MYOF: variants seen among roughly 807,000 people sequenced by gnomAD.
The protein encoded by MYOF is fer-1-like 3, myoferlin.
A neutral mutation model predicts 284.2 loss-of-function variants in MYOF; 244 were observed. That is an observed-to-expected ratio of 0.86 (90% CI 0.77 to 0.95). MYOF has a LOEUF of 0.95. Among genes scored for constraint, MYOF ranks in the 40% least tolerant of loss-of-function variants. The pLI, the probability that MYOF is intolerant of heterozygous loss-of-function variation, is 0.00. For synonymous variants in MYOF, 904 were observed against 919.7 expected (o/e 0.98, Z 0.31); for missense variants, 2,496 against 2,560.6 (o/e 0.97, Z 0.54).
At chr10:93,395,697 T>A (rs1463406819) in intron 16 of MYOF, among the ~76,000 whole-genome samples, 1 of 151,970 alleles carries the variant, frequency 6.6e-6, no homozygotes, top group African/African-American at 2.4e-5. Flanking sequence ...TTCATTGGCA[T>A]CTGACCTTAC....
chr10:93,400,139 C>T (rs543060725), intron 12 of MYOF, among the ~76,000 whole-genome samples: 4 of 152,208 alleles, frequency 2.6e-5, no homozygotes, highest in African/African-American at 9.6e-5. Context: ...GGCCTGCTTT[C>T]AATTGGGAGA....
At chr10:93,460,871 G>A (rs188790698) in intron 1 of MYOF, among the ~76,000 whole-genome samples, 5 of 152,174 alleles carry the variant, frequency 3.3e-5, no homozygotes, top group East Asian at 1.9e-4. Flanking sequence ...TGAGGCAGGC[G>A]GATCACCTGA....
In MYOF at chr10:93,404,054, A is replaced by G. The variant is rs748725636; in HGVS notation, c.812T>C (p.Leu271Pro). 1.2e-5 allele frequency: 20 copies of G among 1,614,044 alleles called. No individual in the cohort carries two copies. The highest frequency in any genetic ancestry group is 5.1e-6 in the Non-Finnish European group (6 of 1,180,028). Reference protein sequence around the residue: ...ISIRVYNSHSLRADCLMGEFK... With the variant: ...ISIRVYNSHSPRADCLMGEFK... ...TTCCCCCATCAGACAATCTGCCCGC[A>G]GAGAGTGAGAATTATAAACCTGGAA... Residue 271 changes from leucine to proline, a missense_variant, in exon 9 of 54, where the codon CTG (leucine) becomes CCG (proline). This residue lies in a region of MYOF where 2,436 missense variants were observed against 2,480.7 expected (regional missense o/e 0.98). Transcript: ENST00000359263.
intron 23 of MYOF, among the ~76,000 whole-genome samples, chr10:93,373,315 G>A (rs549096232): frequency 2.6e-4 from 40 of 152,292 alleles, no homozygotes; most frequent in Admixed American, 4.6e-4. Flanking sequence ...AAGCAGAGGC[G>A]CAGCTTCACC....
At chr10:93,380,451 AT>A (rs1846060897) in intron 20 of MYOF, among the ~76,000 whole-genome samples, 1 of 152,214 alleles carries the variant, frequency 6.6e-6, no homozygotes. Context: ...CCTTACTGTG[AT>A]TAAGAATTAT....
intron 22 of MYOF, among the ~76,000 whole-genome samples, chr10:93,377,096 C>T (rs1406030387): frequency 1.3e-5 from 2 of 152,060 alleles, no homozygotes; most frequent in South Asian, 2.1e-4. Flanking sequence ...GGGAGTGGGG[C>T]CTCAGCCTCC....
In MYOF at chr10:93,375,435, A is replaced by T. The variant is rs552816301; in HGVS notation, c.2109-480T>A. 6.6e-5 allele frequency among the ~76,000 whole-genome samples: 10 copies of T among 152,356 alleles called. No homozygotes were observed. In the South Asian group the frequency reaches 2.1e-3, roughly 32 times the overall value. On this transcript the variant is annotated intron_variant, in intron 22 of 53. Coordinates refer to ENST00000359263, the MANE Select transcript of MYOF (RefSeq NM_013451.4). ...TCTCGAAGGTCTGTGAAACTCTGGA[A>T]CTTATAAAGAAAACTGTGTCTATCT...
intron 41 of MYOF, 90 bp from the exon 42 acceptor site, chr10:93,334,003 G>GA: frequency 1.5e-6 from 2 of 1,325,104 alleles, no homozygotes; most frequent in Non-Finnish European, 2.1e-6. Context: ...AGGGGTGTGG[G>GA]ATTGAAGGAT....
At chr10:93,441,246 G>T (rs528838947) in intron 3 of MYOF, among the ~76,000 whole-genome samples, 51 of 152,152 alleles carry the variant, frequency 3.4e-4, no homozygotes, top group Non-Finnish European at 5.4e-4. Context: ...AGTAATAAAA[G>T]CTTAAAGACA....
At chr10:93,328,996 A>G in intron 44 of MYOF, 85 bp from the exon 45 acceptor site, 1 of 1,404,388 alleles carries the variant, frequency 7.1e-7, no homozygotes, top group Non-Finnish European at 9.7e-7. Flanking sequence ...ATGTACTCTT[A>G]GGTGCTCCCA....
chr10:93,408,127 G>C (rs1847703621), intron 7 of MYOF, among the ~76,000 whole-genome samples: 1 of 152,082 alleles, frequency 6.6e-6, no homozygotes, highest in African/African-American at 2.4e-5. Flanking sequence ...TCCCGTCTCA[G>C]CCTCTTGAGT....
chr10:93,451,984 T>C (rs1218072342), intron 3 of MYOF, 66 bp downstream of exon 3: 1 of 1,146,464 alleles, frequency 8.7e-7, no homozygotes, highest in Non-Finnish European at 1.3e-6. Flanking sequence ...ATGTGTCTCT[T>C]CAACAAAATA....
Position 93,465,600 on chromosome 10 carries a change from C to A in MYOF, c.89-8663G>T, listed in dbSNP as rs1440540404. Among the ~76,000 whole-genome samples the A allele has an allele frequency of 3.0e-5, 4 of 133,514 alleles. No individual in the cohort carries two copies. The South Asian group carries it at 1.0e-3, about 34-fold the overall frequency. The allele number at this position is 133,514 out of a possible 152,430, so 87.6% of individuals were successfully genotyped here. On this transcript the variant is annotated intron_variant, in intron 1 of 53. Transcript: ENST00000359263. ...CACAATCTCGGCTCACTGCAACCTC[C>A]ACCTCCTGGATTCAAGCCATTCACC... is the stretch of plus-strand genomic sequence containing the variant.
At chr10:93,351,951 G>A in intron 32 of MYOF, 105 bp from the exon 33 acceptor site, 7 of 1,079,166 alleles carry the variant, frequency 6.5e-6, no homozygotes, top group Non-Finnish European at 9.1e-6. Context: ...ATGACAGTGG[G>A]CTCTGACCAC....
intron 42 of MYOF, 21 bp downstream of exon 42, chr10:93,333,737 G>A (rs1843457043): frequency 6.2e-7 from 1 of 1,611,278 alleles, no homozygotes; most frequent in East Asian, 2.2e-5. Context: ...ACAGGAGAAG[G>A]CCCCACACCC....
In MYOF at chr10:93,402,221, T is replaced by G; in HGVS notation, c.990+11A>C. On this transcript the variant is annotated intron_variant, in intron 11 of 53. Transcript: ENST00000359263. ...TGAGAAGTGTAGAAAGTAGAGAATG[T>G]AGGGACTCACAGGAGGCTCATCTCC... is the stretch of plus-strand genomic sequence containing the variant. 6.2e-7 allele frequency: 1 copy of G among 1,606,298 alleles called. No individual in the cohort carries two copies.
At position 93,366,461 on chromosome 10, in the gene MYOF, TTGAG is replaced by T. The variant is rs564186618; in HGVS notation, c.2680_2683del (p.Leu894ArgfsTer18). 9.9e-5 allele frequency: 160 copies of T among 1,613,956 alleles called. No individual in the cohort carries two copies. In the African/African-American group the frequency reaches 1.9e-3, roughly 19 times the overall value. On this transcript the variant is annotated frameshift_variant, in exon 26 of 54. Coordinates refer to ENST00000359263, the MANE Select transcript of MYOF (RefSeq NM_013451.4). LOFTEE classifies it high-confidence loss of function. ...TTTTGGAGGCAGAAAAAATTCCCTCTTGAGTTTTATTTTTCCTGTGACATCAGAA... is the reference window on the plus strand; with the variant it reads ...TTTTGGAGGCAGAAAAAATTCCCTCTTTTTATTTTTCCTGTGACATCAGAA...
At chr10:93,426,038 G>A (rs560122231) in intron 5 of MYOF, 33 bp downstream of exon 5, 2 of 1,544,080 alleles carry the variant, frequency 1.3e-6, no homozygotes, top group Non-Finnish European at 1.8e-6. Flanking sequence ...CCTCCCCCTG[G>A]GGGTGGCTGG....
intron 1 of MYOF, among the ~76,000 whole-genome samples, chr10:93,458,593 G>T (rs1244915335): frequency 6.6e-6 from 1 of 152,114 alleles, no homozygotes; most frequent in African/African-American, 2.4e-5. Flanking sequence ...AGCCAGGCAT[G>T]GTGATGGGTG....
Sources: gnomAD v4.1 joint callset for allele counts (sites outside exome capture counted in the v4.1 genomes callset) on GRCh38, gnomAD v4.1.1 for gene constraint, gnomAD v4.1.1 regional missense constraint, MANE v1.5 for transcripts, NCBI Gene and HGNC (gene_info 2026-07-23, HGNC 2026-07-21) for gene names.